The following ZBTB7C variants were observed in gnomAD, a reference collection of about 807,000 sequenced individuals.
The protein encoded by ZBTB7C is zinc finger and BTB domain containing 7C.
A neutral mutation model predicts 25.7 loss-of-function variants in ZBTB7C; 8 were observed. The observed-to-expected ratio is 0.31, with a 90% CI of 0.18 to 0.56. The LOEUF (loss-of-function observed/expected upper bound fraction) is 0.56, where lower values mean the gene tolerates loss of function less well. ZBTB7C is among the 20% of genes least tolerant of loss of function. The probability of loss-of-function intolerance (pLI) is 0.91; values close to 1 mark genes in which losing one functional copy is unlikely to be tolerated. For missense variants in ZBTB7C, 824 were observed against 855.2 expected (o/e 0.96, Z 0.46); for synonymous variants, 394 against 369.0 (o/e 1.07, Z -0.78).
intron 2 of ZBTB7C, among the ~76,000 whole-genome samples, chr18:48,313,117 C>T (rs1692271312): frequency 3.9e-5 from 6 of 152,166 alleles, no homozygotes; most frequent in Admixed American, 3.9e-4. Flanking sequence ...TAAGTGTGAA[C>T]CTAAGGCTCA....
At chr18:48,352,826 G>T (rs775584613) in intron 1 of ZBTB7C, among the ~76,000 whole-genome samples, 1 of 152,264 alleles carries the variant, frequency 6.6e-6, no homozygotes, top group East Asian at 1.9e-4. Flanking sequence ...GGCGCAGGGG[G>T]TAGCTCTGTG....
intron 2 of ZBTB7C, among the ~76,000 whole-genome samples, chr18:48,243,796 A>G (rs1434898744): frequency 6.6e-6 from 1 of 152,254 alleles, no homozygotes; most frequent in East Asian, 1.9e-4. Context: ...CATAGTCACC[A>G]AAACAGCATG....
chr18:48,223,507 C>G lies in ZBTB7C; in HGVS notation c.-78-37512G>C, dbSNP rs993500538. ...TGCAAAGGGGGAAGCTTATGGGATC[C>G]AGAATATTTCTTCTACTTAAGCACC... On this transcript the variant is annotated intron_variant, in intron 2 of 4. Transcript: ENST00000590800. Among the ~76,000 whole-genome samples, 5 of 152,262 alleles carry G rather than the reference C, an allele frequency of 3.3e-5. No homozygotes were observed. The South Asian group carries it at 1.0e-3, about 32-fold the overall frequency.
chr18:48,274,471 A>G (rs1303381095), intron 2 of ZBTB7C, among the ~76,000 whole-genome samples: 2 of 152,212 alleles, frequency 1.3e-5, no homozygotes, highest in African/African-American at 4.8e-5. Context: ...CATCTCTACC[A>G]GGATGACTCA....
At chr18:48,225,963 G>A (rs752356902) in intron 2 of ZBTB7C, among the ~76,000 whole-genome samples, 2 of 152,104 alleles carry the variant, frequency 1.3e-5, no homozygotes, top group African/African-American at 2.4e-5. Context: ...GGATGGTCTC[G>A]ATCGCTTGAC....
intron 2 of ZBTB7C, among the ~76,000 whole-genome samples, chr18:48,287,462 ATGGT>A (rs1403121669): frequency 6.6e-6 from 1 of 152,182 alleles, no homozygotes; most frequent in East Asian, 1.9e-4. Context: ...AGAGGCCCAA[ATGGT>A]TTCACAGGAA....
intron 3 of ZBTB7C, among the ~76,000 whole-genome samples, chr18:48,184,579 C>A (rs2042008492): frequency 6.6e-6 from 1 of 152,066 alleles, no homozygotes; most frequent in East Asian, 1.9e-4. Flanking sequence ...TAACTAGCTA[C>A]CTTCTCCTGC....
intron 2 of ZBTB7C, among the ~76,000 whole-genome samples, chr18:48,308,699 C>T (rs1175987771): frequency 2.0e-5 from 3 of 152,208 alleles, no homozygotes. Context: ...TGGTAACAAA[C>T]AGTACCAGTG....
At chr18:48,138,465 C>G (rs746047587) in intron 3 of ZBTB7C, among the ~76,000 whole-genome samples, 1 of 152,176 alleles carries the variant, frequency 6.6e-6, no homozygotes, top group Admixed American at 6.5e-5. Context: ...TGTAAATACC[C>G]ACCGCTGCAG....
chr18:48,217,122 C>A (rs1022249380), intron 2 of ZBTB7C, among the ~76,000 whole-genome samples: 1 of 152,158 alleles, frequency 6.6e-6, no homozygotes, highest in African/African-American at 2.4e-5. Context: ...CAGGAGGAAC[C>A]AACCCTGCTG....
chr18:48,310,227 C>G (rs1198877077), intron 2 of ZBTB7C, among the ~76,000 whole-genome samples: 1 of 148,254 alleles, frequency 6.7e-6, no homozygotes, highest in Non-Finnish European at 1.5e-5. Flanking sequence ...GAGACTCCAC[C>G]TCAAAAAAAA....
chr18:48,125,589 C>T (rs2039773573), intron 3 of ZBTB7C, among the ~76,000 whole-genome samples: 1 of 152,192 alleles, frequency 6.6e-6, no homozygotes, highest in Non-Finnish European at 1.5e-5. Context: ...GAGGTGCTGG[C>T]CATAACAATA....
At chr18:48,262,778 G>A (rs2044207329) in intron 2 of ZBTB7C, among the ~76,000 whole-genome samples, 1 of 152,112 alleles carries the variant, frequency 6.6e-6, no homozygotes, top group South Asian at 2.1e-4. Context: ...AGGGCTATGT[G>A]GCCAGATGGG....
intron 3 of ZBTB7C, among the ~76,000 whole-genome samples, chr18:48,163,045 G>C (rs1038294399): frequency 6.6e-6 from 1 of 152,192 alleles, no homozygotes; most frequent in South Asian, 2.1e-4. Context: ...AATGGGGCCC[G>C]TTGGTCCTCA....
intron 2 of ZBTB7C, among the ~76,000 whole-genome samples, chr18:48,210,427 T>C (rs2042676166): frequency 1.3e-5 from 2 of 152,180 alleles, no homozygotes; most frequent in African/African-American, 4.8e-5. Flanking sequence ...GATGAATGAA[T>C]GAACGAATGA....
intron 2 of ZBTB7C, among the ~76,000 whole-genome samples, chr18:48,274,923 C>T (rs1315295772): frequency 6.6e-6 from 1 of 152,188 alleles, no homozygotes; most frequent in African/African-American, 2.4e-5. Flanking sequence ...CGATACTCCT[C>T]CTCCCTCCCG....
intron 2 of ZBTB7C, among the ~76,000 whole-genome samples, chr18:48,239,698 G>T (rs2043472307): frequency 6.6e-6 from 1 of 152,150 alleles, no homozygotes; most frequent in Admixed American, 6.5e-5. Flanking sequence ...ATCACTCTGT[G>T]GGACGAATCT....
chr18:48,309,569 C>T (rs1360133723), intron 2 of ZBTB7C, among the ~76,000 whole-genome samples: 1 of 152,138 alleles, frequency 6.6e-6, no homozygotes, highest in African/African-American at 2.4e-5. Context: ...TTTCACAGAC[C>T]TATACGATAT....
Position 48,029,351 on chromosome 18 carries a change from G to T in ZBTB7C, c.1769C>A (p.Pro590Gln), listed in dbSNP as rs1308080403. The T allele has an allele frequency of 1.5e-5, 23 of 1,545,394 alleles. No individual in the cohort carries two copies. Among genetic ancestry groups the T allele is most frequent in the Non-Finnish European group, 1.9e-5 (22 of 1,150,394 alleles). ...GCCGGCGGCCCAAGGGTCGGGCAGCGGGAAGTAGGGCCGCGCCGCCGCCAC... is the reference window on the plus strand; with the variant it reads ...GCCGGCGGCCCAAGGGTCGGGCAGCTGGAAGTAGGGCCGCGCCGCCGCCAC... Reference protein sequence around the residue: ...ENVAAARPYFPLPDPWAAGLA... With the variant: ...ENVAAARPYFQLPDPWAAGLA... The change falls in exon 5 of 5, where the codon CCG becomes CAG. Residue 590 changes from proline (P) to glutamine (Q), a missense_variant. Physicochemically the swap from Pro to Gln is moderately conservative, Grantham distance 76. Around this residue, in one of 4 missense-constraint regions of ZBTB7C, gnomAD observed 342 missense variants for 307.0 expected, o/e 1.11. Transcript: ENST00000590800.
Sources: allele counts gnomAD v4.1 joint callset (sites outside exome capture counted in the v4.1 genomes callset), GRCh38; gene constraint gnomAD v4.1.1; regional missense constraint gnomAD v4.1.1; transcripts MANE v1.5; gene names NCBI Gene and HGNC (gene_info 2026-07-23, HGNC 2026-07-21).